Variants in HERC2 observed in about 807,000 individuals in gnomAD.
HERC2 encodes E3 ubiquitin-protein ligase HERC2.
In HERC2, 102 loss-of-function variants were observed where a neutral mutation model predicts 537.7. The ratio of observed to expected loss-of-function variants is 0.19; its 90% confidence interval spans 0.16 to 0.22. The LOEUF (loss-of-function observed/expected upper bound fraction) is 0.22, where lower values mean the gene tolerates loss of function less well. HERC2 is among the 10% of genes least tolerant of loss of function. HERC2 has a pLI of 1.00. For synonymous variants in HERC2, 2,224 were observed against 2,466.2 expected, an observed-to-expected ratio of 0.90 and a Z score of 2.91; for missense variants, 4,236 against 6,198.2, an observed-to-expected ratio of 0.68 and a Z score of 10.63.
intron 38 of HERC2, 127 bp downstream of exon 38, chr15:28,218,362 T>C (rs1900153510): frequency 5.0e-6 from 4 of 796,566 alleles, no homozygotes; most frequent in Admixed American, 2.0e-5. Context: ...CCCAAGTTTG[T>C]ATACTTTGTT....
At chr15:28,241,811 C>T (rs920371415) in intron 23 of HERC2, among the ~76,000 whole-genome samples, 3 of 152,094 alleles carry the variant, frequency 2.0e-5, no homozygotes, top group African/African-American at 7.2e-5. Flanking sequence ...CAGAGCAAGA[C>T]TCTGTCTCAA....
At chr15:28,159,697 G>T (rs1213790314) in intron 69 of HERC2, among the ~76,000 whole-genome samples, 4 of 152,206 alleles carry the variant, frequency 2.6e-5, no homozygotes, top group African/African-American at 9.6e-5. Flanking sequence ...TTAGCTCGGA[G>T]AAGTTTGATC....
rs1191880893 is a variant in HERC2, at chr15:28,248,710, C to G, written c.3077G>C (p.Arg1026Thr). 3.1e-6 allele frequency: 5 copies of G among 1,614,050 alleles called. No individual in the cohort carries two copies. The highest frequency in any genetic ancestry group is 4.2e-6 in the Non-Finnish European group (5 of 1,179,930). Residue 1026 changes from arginine to threonine, a missense_variant, in exon 21 of 93, where the codon AGA becomes ACA. By Grantham distance (71) the Arg-to-Thr change is moderately conservative (BLOSUM62 -1). Transcript: ENST00000261609. ...AATCCGACGGGCAACATCTTTCAAT[C>G]TGGCTACAGTCTGAGAAGCAATGTT... ...LRNIASQTVA[R>T]LKDVARRISS... is the part of the protein sequence containing the mutation.
Position 28,254,433 on chromosome 15 carries a change from G to A in HERC2, c.2957C>T (p.Thr986Ile). ...ANASTFHRSR[T>I]PLDKDLINTG... ...ATTAATAAGGTCTTTATCCAGTGGA[G>A]TCCTGCTTCTATGAAATGTTGAGGC... Residue 986 changes from threonine to isoleucine, a missense_variant, in exon 20 of 93, where the codon ACT (threonine) becomes ATT (isoleucine). Transcript: ENST00000261609. The A allele has an allele frequency of 6.2e-7, 1 of 1,608,582 alleles. No individual in the cohort carries two copies. Among genetic ancestry groups the A allele is most frequent in the South Asian group, 1.1e-5 (1 of 89,700 alleles).
At chr15:28,306,278 A>G (rs369242998) in intron 2 of HERC2, among the ~76,000 whole-genome samples, 200 of 152,298 alleles carry the variant, frequency 1.3e-3, no homozygotes, top group African/African-American at 4.7e-3. Flanking sequence ...TTTATCATGA[A>G]AGGATGTTGA....
At chr15:28,321,749 C>T (rs1361938440) in intron 1 of HERC2, among the ~76,000 whole-genome samples, 1 of 134,878 alleles carries the variant, frequency 7.4e-6, no homozygotes. Flanking sequence ...CAATGTCATC[C>T]CCCTGCCCTC....
intron 86 of HERC2, among the ~76,000 whole-genome samples, chr15:28,120,416 T>C (rs1888753426): frequency 6.6e-6 from 1 of 152,246 alleles, no homozygotes; most frequent in Non-Finnish European, 1.5e-5. Flanking sequence ...GAATTTGTTC[T>C]TCATGGCTCT....
chr15:28,298,930 C>T (rs1040257209), intron 3 of HERC2, among the ~76,000 whole-genome samples: 3 of 152,012 alleles, frequency 2.0e-5, no homozygotes, highest in African/African-American at 7.2e-5. Context: ...GGGGGACCAA[C>T]GAACTTCAAC....
intron 83 of HERC2, among the ~76,000 whole-genome samples, chr15:28,129,555 T>A (rs910962194): frequency 2.0e-5 from 3 of 152,124 alleles, no homozygotes; most frequent in Admixed American, 6.5e-5. Flanking sequence ...GAACAGGGGA[T>A]CCCTCCCGAA....
At chr15:28,267,759 G>A (rs997763194) in intron 12 of HERC2, among the ~76,000 whole-genome samples, 1 of 152,238 alleles carries the variant, frequency 6.6e-6, no homozygotes, top group African/African-American at 2.4e-5. Context: ...ATGCCCCCCA[G>A]GCTCCTCTCA....
Position 28,124,247 on chromosome 15 carries a change from A to C in HERC2, c.12991-13T>G. On this transcript the variant is annotated splice_polypyrimidine_tract_variant and intron_variant, in intron 84 of 92. Coordinates refer to ENST00000261609, the MANE Select transcript of HERC2 (RefSeq NM_004667.6). The stretch of plus-strand genomic sequence containing the variant: ...ACTCCATGGGGACCTAGAACACAGA[A>C]ATGGCCTTCAGCCCCTCAGGCACCA... The C allele has an allele frequency of 7.0e-7, 1 of 1,436,006 alleles. No individual in the cohort carries two copies. The highest frequency in any genetic ancestry group is 1.6e-5 in the South Asian group (1 of 62,818). 89.0% of individuals were successfully genotyped at this position (1,436,006 alleles called of 1,614,324 possible). A position where few individuals can be genotyped will look rare whatever the true frequency, so the allele number is the denominator to read the frequency against.
intron 3 of HERC2, among the ~76,000 whole-genome samples, chr15:28,295,772 G>C: frequency 6.6e-6 from 1 of 152,132 alleles, no homozygotes. Flanking sequence ...CAAACATTCT[G>C]TGGACTTCAT....
chr15:28,209,940 CT>C (rs1164101918), intron 44 of HERC2, among the ~76,000 whole-genome samples: 200 of 77,344 alleles, frequency 2.6e-3, no homozygotes, highest in Admixed American at 5.8e-3. Flanking sequence ...AATACATTAT[CT>C]TTTTTTTTTT....
At chr15:28,276,594 G>GT (rs1266871646) in intron 5 of HERC2, among the ~76,000 whole-genome samples, 1 of 152,002 alleles carries the variant, frequency 6.6e-6, no homozygotes, top group Admixed American at 6.6e-5. Context: ...AATTAGCCGG[G>GT]TGTGGTGGTG....
At chr15:28,231,848 A>G (rs1901887201) in intron 30 of HERC2, among the ~76,000 whole-genome samples, 1 of 152,180 alleles carries the variant, frequency 6.6e-6, no homozygotes, top group Admixed American at 6.5e-5. Context: ...CAAAAAAAAA[A>G]AAAGAAAACC....
At chr15:28,302,921 G>A (rs896632116) in intron 2 of HERC2, among the ~76,000 whole-genome samples, 2 of 151,874 alleles carry the variant, frequency 1.3e-5, no homozygotes, top group East Asian at 1.9e-4. Context: ...TTTGTCAGAT[G>A]GGTAGTTTGC....
chr15:28,310,966 A>G (rs2076925957), intron 2 of HERC2, among the ~76,000 whole-genome samples: 1 of 150,192 alleles, frequency 6.7e-6, no homozygotes, highest in Non-Finnish European at 1.5e-5. Flanking sequence ...AGTCCCAGCT[A>G]CTCGGGAGGC....
At chr15:28,309,403 T>G (rs1469484480) in intron 2 of HERC2, among the ~76,000 whole-genome samples, 1 of 152,192 alleles carries the variant, frequency 6.6e-6, no homozygotes, top group Non-Finnish European at 1.5e-5. Flanking sequence ...ATTGGCCCCT[T>G]TATCATTACA....
At chr15:28,288,999 C>T (rs1197146378) in intron 4 of HERC2, among the ~76,000 whole-genome samples, 1 of 151,872 alleles carries the variant, frequency 6.6e-6, no homozygotes, top group East Asian at 1.9e-4. Context: ...CAACCAAGAA[C>T]ATGTCAGAAG....
Sources: gnomAD v4.1 joint callset for allele counts (sites outside exome capture counted in the v4.1 genomes callset) on GRCh38, gnomAD v4.1.1 for gene constraint, MANE v1.5 for transcripts, NCBI Gene and HGNC (gene_info 2026-07-23, HGNC 2026-07-21) for gene names.